The following CARS1 variants were observed in gnomAD, a reference collection of about 807,000 sequenced individuals.
CARS1 encodes the protein cysteine--tRNA ligase, cytoplasmic.
Under a neutral mutation model 106.2 loss-of-function variants are expected in CARS1, and 48 were observed. The observed-to-expected ratio is 0.45, with a 90% confidence interval of 0.36 to 0.57. The LOEUF (loss-of-function observed/expected upper bound fraction) is 0.57. Ranked by LOEUF, CARS1 falls within the 20% of genes least tolerant of loss-of-function variation. CARS1 has a pLI of 0.00. For missense variants in CARS1, 968 were observed against 1,057.2 expected (o/e 0.92, Z 1.17); for synonymous variants, 409 against 403.4 (o/e 1.01, Z -0.17).
chr11:3,054,867 T>C (rs1856039777), intron 1 of CARS1: 5 of 702,152 alleles, frequency 7.1e-6, no homozygotes, highest in Non-Finnish European at 1.3e-5. Context: ...AATTAAACTA[T>C]AAGTCTGACC....
chr11:3,035,295 G>A (rs1326956621), intron 7 of CARS1, among the ~76,000 whole-genome samples: 1 of 152,084 alleles, frequency 6.6e-6, no homozygotes, highest in African/African-American at 2.4e-5. Flanking sequence ...AATCACAGCT[G>A]GAAGCAAGCA....
intron 1 of CARS1, among the ~76,000 whole-genome samples, chr11:3,054,443 G>A (rs921890028): frequency 6.6e-6 from 1 of 152,192 alleles, no homozygotes; most frequent in Non-Finnish European, 1.5e-5. Flanking sequence ...CCGGAAACAT[G>A]GTACCTGAGT....
rs1855929205 is a variant in CARS1, at chr11:3,053,900, TG to T, written c.25+3442del. 1.3e-5 allele frequency among the ~76,000 whole-genome samples: 2 copies of T among 152,170 alleles called. No individual in the cohort carries two copies. The highest frequency in any genetic ancestry group is 2.9e-5 in the Non-Finnish European group (2 of 68,016). ...AGGTCCCACCAGGGTCCTCATCTTG[TG>T]GGTGTCCAGGCAACATCTCACCCTG... On this transcript the variant is annotated intron_variant, in intron 1 of 22. Coordinates refer to ENST00000380525, the MANE Select transcript of CARS1 (RefSeq NM_001014437.3). This position sits in a 1 kb window ranked among gnomAD's most constrained non-coding sequence, Gnocchi z 6.6.
At position 3,017,172 on chromosome 11, in the gene CARS1, G is replaced by A. The variant is rs373421018; in HGVS notation, c.1851C>T (p.Ala617=). 36 of 1,614,038 alleles carry A rather than the reference G, an allele frequency of 2.2e-5. No individual in the cohort carries two copies. Among genetic ancestry groups the A allele is most frequent in the Middle Eastern group, 1.6e-4 (1 of 6,084 alleles). The change falls in exon 16 of 23, where the codon GCC becomes GCT. Residue 617 remains alanine, a synonymous_variant. Coordinates refer to ENST00000380525, the MANE Select transcript of CARS1 (RefSeq NM_001014437.3). The surrounding 1 kb of genome is among the most constrained non-coding windows in gnomAD (Gnocchi z 4.9). The stretch of plus-strand genomic sequence containing the variant: ...GAGCCTGGTTGGGCCTCTTCCTCAC[G>A]GCTTTCCGGGCTGCCATATAGAGGT... The part of the protein sequence containing the change: ...QCNLYMAARK[A]VRKRPNQALL...
chr11:3,005,631 AT>A (rs5789288), intron 19 of CARS1, among the ~76,000 whole-genome samples, 198 bp from the exon 20 acceptor site: 49,345 of 132,164 alleles, frequency 0.37, 8,988 homozygotes, highest in East Asian at 0.62. Context: ...TGTGTGTGTG[AT>A]TTTTTTTTTT....
At chr11:3,057,218 G>T in intron 1 of CARS1, 125 bp downstream of exon 1, 1 of 823,390 alleles carries the variant, frequency 1.2e-6, no homozygotes, top group Non-Finnish European at 2.0e-6. Context: ...CACGGACACA[G>T]CTGCCCCTCA....
At chr11:3,054,265 T>A (rs1174165815) in intron 1 of CARS1, among the ~76,000 whole-genome samples, 1 of 152,102 alleles carries the variant, frequency 6.6e-6, no homozygotes, top group Non-Finnish European at 1.5e-5. Flanking sequence ...GAACAGCATC[T>A]CCATCTTCCT....
Position 3,029,710 on chromosome 11 carries a change from A to G in CARS1, c.802-267T>C. 2 of 489,020 alleles carry G rather than the reference A, an allele frequency of 4.1e-6. No homozygotes were observed. The highest frequency in any genetic ancestry group is 7.2e-6 in the Non-Finnish European group (2 of 275,876). The allele number at this position is 489,020 out of a possible 1,614,324, so 30.3% of individuals were successfully genotyped here. ...GGGTGCAGAGGCAAAAAGAGGTGGGAGGGCCGAGGTGGGCCTGGTGAGCAT... is the reference window on the plus strand; with the variant it reads ...GGGTGCAGAGGCAAAAAGAGGTGGGGGGGCCGAGGTGGGCCTGGTGAGCAT... On this transcript the variant is annotated intron_variant, in intron 7 of 22. Coordinates refer to ENST00000380525, the MANE Select transcript of CARS1 (RefSeq NM_001014437.3). The surrounding 1 kb of genome is among the most constrained non-coding windows in gnomAD (Gnocchi z 5.9).
chr11:3,039,246 T>A lies in CARS1; in HGVS notation c.599A>T (p.Glu200Val). 6.2e-7 allele frequency: 1 copy of A among 1,613,924 alleles called. No individual in the cohort carries two copies. The highest frequency in any genetic ancestry group is 8.5e-7 in the Non-Finnish European group (1 of 1,179,880). The change falls in exon 6 of 23, where the codon GAG becomes GTG. Residue 200 changes from glutamate (E) to valine (V), a missense_variant. By Grantham distance (121) the Glu-to-Val change is moderately radical. Coordinates refer to ENST00000380525, the MANE Select transcript of CARS1 (RefSeq NM_001014437.3). This position sits in a 1 kb window ranked among gnomAD's most constrained non-coding sequence, Gnocchi z 5.6. The stretch of plus-strand genomic sequence containing the variant: ...GAGCTGTGCCGCTTCAGGCCTCTTC[T>A]CCCGATACTGCTCGAACAGGTGGTT... Reference protein sequence around the residue: ...RQNHLFEQYREKRPEAAQLLE... With the variant: ...RQNHLFEQYRVKRPEAAQLLE...
rs1851118580 is a variant in CARS1 at position 3,017,276 on chromosome 11, C to T, written c.1747G>A (p.Ala583Thr). 4 of 1,613,534 alleles carry T rather than the reference C, an allele frequency of 2.5e-6. No homozygotes were observed. Among genetic ancestry groups the T allele is most frequent in the African/African-American group, 2.7e-5 (2 of 74,918 alleles). The change falls in exon 16 of 23, where the codon GCA becomes ACA. Residue 583 changes from alanine (A) to threonine (T), a missense_variant. Transcript: ENST00000380525. This position sits in a 1 kb window ranked among gnomAD's most constrained non-coding sequence, Gnocchi z 4.9. ...TTGTCACAGAGGGCTTTGTGAATTG[C>T]TGTCTTCTTGTCATAAAAGCTGAGC... ...LNKNFYDKKT[A>T]IHKALCDNVD... is the part of the protein sequence containing the mutation.
At chr11:3,032,024 C>T (rs1221466309) in intron 7 of CARS1, among the ~76,000 whole-genome samples, 169 of 11,494 alleles carry the variant, frequency 0.015, 15 homozygotes, top group African/African-American at 0.039. Flanking sequence ...CCCTCCCTCC[C>T]TCCCTCCCTC....
At chr11:3,018,237 T>A in intron 14 of CARS1, 171 bp downstream of exon 14, 2 of 618,070 alleles carry the variant, frequency 3.2e-6, no homozygotes, top group Non-Finnish European at 2.8e-6. Context: ...GTCAGCCATT[T>A]CAGGAGTGGC....
rs553016003 is a variant in CARS1 at position 3,037,199 on chromosome 11, C to T, written c.801+851G>A. Among the ~76,000 whole-genome samples the T allele has an allele frequency of 1.5e-4, 23 of 152,270 alleles. 1 individual carries two copies. In the East Asian group the frequency reaches 2.7e-3, roughly 18 times the overall value. On this transcript the variant is annotated intron_variant, in intron 7 of 22. Coordinates refer to ENST00000380525, the MANE Select transcript of CARS1 (RefSeq NM_001014437.3). This position sits in a 1 kb window ranked among gnomAD's most constrained non-coding sequence, Gnocchi z 5.9. ...CACAGCTTGGGTGAAAGCACACTGA[C>T]GACTACATACACGTGGCGTGTTTCC...
intron 20 of CARS1, among the ~76,000 whole-genome samples, 157 bp from the exon 21 acceptor site, chr11:3,002,757 G>A (rs1849512481): frequency 6.6e-6 from 1 of 152,086 alleles, no homozygotes; most frequent in Non-Finnish European, 1.5e-5. Flanking sequence ...ACAAGCCCAT[G>A]TGCCGGGCAG....
intron 10 of CARS1, among the ~76,000 whole-genome samples, chr11:3,025,703 T>A (rs939389612): frequency 1.3e-5 from 2 of 152,228 alleles, no homozygotes; most frequent in Non-Finnish European, 2.9e-5. Flanking sequence ...TTGCCTCTTG[T>A]GGATGTGTCC....
In CARS1 at chr11:3,038,985, C is replaced by G. The variant is rs568112733; in HGVS notation, c.651+209G>C. Among the ~76,000 whole-genome samples, 36 of 152,344 alleles carry G rather than the reference C, an allele frequency of 2.4e-4. No individual in the cohort carries two copies. Among genetic ancestry groups the G allele is most frequent in the African/African-American group, 8.4e-4 (35 of 41,574 alleles). On this transcript the variant is annotated intron_variant, in intron 6 of 22. Coordinates refer to ENST00000380525, the MANE Select transcript of CARS1 (RefSeq NM_001014437.3). This position sits in a 1 kb window ranked among gnomAD's most constrained non-coding sequence, Gnocchi z 4.0. ...GCAGGAATGTCACCTACTCTCCACT[C>G]CACTCCAGTACATCTTTGCTGGTGA... is the stretch of plus-strand genomic sequence containing the variant.
rs1350022529 is a variant in CARS1, at chr11:3,048,170, TG to T, written c.26-170del. Among the ~76,000 whole-genome samples, 1 of 152,094 alleles carries T rather than the reference TG, an allele frequency of 6.6e-6. No homozygotes were observed. Among genetic ancestry groups the T allele is most frequent in the African/African-American group, 2.4e-5 (1 of 41,430 alleles). ...AAAGGCACAGGGGCAGCGCTTCGAC[TG>T]GGGGCGAGGGAGTGACTGCCTGACA... On this transcript the variant is annotated intron_variant, in intron 1 of 22. Transcript: ENST00000380525. The surrounding 1 kb of genome is among the most constrained non-coding windows in gnomAD (Gnocchi z 5.1).
At position 3,052,272 on chromosome 11, in the gene CARS1, G is replaced by A. The variant is rs909569077; in HGVS notation, c.26-4271C>T. Among the ~76,000 whole-genome samples the A allele has an allele frequency of 3.3e-5, 5 of 152,112 alleles. No individual in the cohort carries two copies. Among genetic ancestry groups the A allele is most frequent in the Admixed American group, 2.6e-4 (4 of 15,272 alleles). On this transcript the variant is annotated intron_variant, in intron 1 of 22. Transcript: ENST00000380525. The surrounding 1 kb of genome is among the most constrained non-coding windows in gnomAD (Gnocchi z 4.6). ...CACACACACGGCGGCATTTCCTCAC[G>A]GTAAAACACGCTCATAACATCAGCC...
chr11:3,002,143 C>T lies in CARS1; in HGVS notation c.2278-90G>A, dbSNP rs1429691327. 4 of 881,052 alleles carry T rather than the reference C, an allele frequency of 4.5e-6. No individual in the cohort carries two copies. The East Asian group carries it at 9.7e-5, about 21-fold the overall frequency. 54.6% of individuals were successfully genotyped at this position (881,052 alleles called of 1,614,324 possible). ...GACATCTGCTCATACCTCCAGCCCT[C>T]AACTTGCTTCCAAGCCCTCAGATTC... is the stretch of plus-strand genomic sequence containing the variant. On this transcript the variant is annotated intron_variant, in intron 21 of 22. Transcript: ENST00000380525.
Sources: allele counts gnomAD v4.1 joint callset (sites outside exome capture counted in the v4.1 genomes callset), GRCh38; gene constraint gnomAD v4.1.1; non-coding constraint Gnocchi (gnomAD v3.1); transcripts MANE v1.5; gene names NCBI Gene and HGNC (gene_info 2026-07-23, HGNC 2026-07-21).